Variants in PRKD1 observed in about 807,000 individuals in gnomAD.
The protein encoded by PRKD1 is serine/threonine-protein kinase D1.
PRKD1 carries 63 observed loss-of-function variants against 95.9 expected under a neutral mutation model. That is an observed-to-expected ratio of 0.66 (90% confidence interval 0.54 to 0.81). PRKD1 has a LOEUF of 0.81. Ranked by LOEUF, PRKD1 falls within the 30% of genes least tolerant of loss-of-function variation. The probability of loss-of-function intolerance (pLI) is 0.00; values close to 1 mark genes in which losing one functional copy is unlikely to be tolerated. For missense variants in PRKD1, 1,048 were observed against 1,165.3 expected (o/e 0.90, Z 1.47); for synonymous variants, 425 against 423.1 (o/e 1.00, Z -0.05).
At position 29,624,274 on chromosome 14, in the gene PRKD1, G is replaced by A. The variant is rs756834043; in HGVS notation, c.1799-16C>T. 2.6e-6 allele frequency: 4 copies of A among 1,560,844 alleles called. No homozygotes were observed. In the South Asian group the frequency reaches 4.7e-5, roughly 18 times the overall value. On this transcript the variant is annotated splice_polypyrimidine_tract_variant and intron_variant, in intron 12 of 17. Coordinates refer to ENST00000331968, the MANE Select transcript of PRKD1 (RefSeq NM_002742.3). ...CGATGTTTTCCTTTAAAATGAAAAA[G>A]GGAAGCATTAGTAAGTTATTAAATA...
At chr14:29,881,143 C>T (rs1893497141) in intron 1 of PRKD1, among the ~76,000 whole-genome samples, 1 of 152,074 alleles carries the variant, frequency 6.6e-6, no homozygotes, top group Non-Finnish European at 1.5e-5. Context: ...TTGGCTGTTT[C>T]CCCACCAAAA....
chr14:29,910,324 C>G (rs1004037376), intron 1 of PRKD1, among the ~76,000 whole-genome samples: 1 of 152,092 alleles, frequency 6.6e-6, no homozygotes, highest in South Asian at 2.1e-4. Flanking sequence ...GCCAGCAAGA[C>G]CACGAGCCCA....
chr14:29,666,025 A>T, intron 3 of PRKD1, 52 bp downstream of exon 3: 1 of 1,508,158 alleles, frequency 6.6e-7, no homozygotes, highest in Middle Eastern at 1.8e-4. Flanking sequence ...CTGCTGCGAT[A>T]AACACAGGAG....
At chr14:29,612,707 A>G (rs1018955337) in intron 13 of PRKD1, among the ~76,000 whole-genome samples, 2 of 152,080 alleles carry the variant, frequency 1.3e-5, no homozygotes, top group Non-Finnish European at 2.9e-5. Context: ...TTTTAGACAT[A>G]TATACATAAC....
chr14:29,877,986 C>A (rs1277772623), intron 1 of PRKD1, among the ~76,000 whole-genome samples: 1 of 152,104 alleles, frequency 6.6e-6, no homozygotes, highest in East Asian at 1.9e-4. Context: ...AGAATGAGAT[C>A]CTGTCTTCTG....
intron 1 of PRKD1, among the ~76,000 whole-genome samples, chr14:29,799,036 A>G (rs1315291673): frequency 1.3e-5 from 2 of 152,184 alleles, no homozygotes; most frequent in African/African-American, 4.8e-5. Context: ...AGTCAAGAAA[A>G]TCCCTGCTTT....
chr14:29,919,688 CG>C (rs1566671903), intron 1 of PRKD1, among the ~76,000 whole-genome samples: 3,407 of 152,074 alleles, frequency 0.022, 139 homozygotes, highest in African/African-American at 0.078. Context: ...TGAGGCTGAG[CG>C]CAGTGGCTCA....
intron 2 of PRKD1, among the ~76,000 whole-genome samples, chr14:29,701,006 A>ACACACACACACACACACACACC (rs1555337080): frequency 2.2e-4 from 11 of 50,686 alleles, no homozygotes; most frequent in African/African-American, 9.6e-4. Flanking sequence ...ACACACACAC[A>ACACACACACACACACACACACC]CCCTGTTGTG....
chr14:29,875,906 T>C (rs924693318), intron 1 of PRKD1, among the ~76,000 whole-genome samples: 1 of 152,182 alleles, frequency 6.6e-6, no homozygotes, highest in African/African-American at 2.4e-5. Context: ...AACTGCCAAA[T>C]CCATTCCCTC....
chr14:29,908,140 CAA>C (rs200786245), intron 1 of PRKD1, among the ~76,000 whole-genome samples: 7 of 65,188 alleles, frequency 1.1e-4, no homozygotes, highest in Admixed American at 3.5e-4. Context: ...AAAGACAAAG[CAA>C]AAAAAAAAAA....
intron 1 of PRKD1, among the ~76,000 whole-genome samples, chr14:29,884,889 G>A (rs1050229235): frequency 3.9e-5 from 6 of 152,128 alleles, no homozygotes; most frequent in African/African-American, 7.2e-5. Flanking sequence ...TTGGGAGGCC[G>A]AAGCGGGTGG....
intron 1 of PRKD1, among the ~76,000 whole-genome samples, chr14:29,780,637 C>G (rs916679654): frequency 6.6e-6 from 1 of 152,144 alleles, no homozygotes; most frequent in Non-Finnish European, 1.5e-5. Context: ...AGTTAGGAAA[C>G]AACAGGTGTT....
intron 4 of PRKD1, among the ~76,000 whole-genome samples, chr14:29,662,138 C>G (rs900829932): frequency 6.6e-6 from 1 of 152,028 alleles, no homozygotes; most frequent in African/African-American, 2.4e-5. Flanking sequence ...CTTACATAAG[C>G]TAAATTAGAT....
chr14:29,881,258 A>G (rs1893501073), intron 1 of PRKD1, among the ~76,000 whole-genome samples: 1 of 152,188 alleles, frequency 6.6e-6, no homozygotes. Context: ...TATTCTCATG[A>G]TAGTGAATAA....
In PRKD1 at chr14:29,577,296, G is replaced by C; in HGVS notation, c.2681C>G (p.Thr894Ser). ...LINPSASHSD[T>S]PETEETEMKA... Reference sequence around the variant, plus strand: ...CATTTCTGTTTCTTCAGTCTCAGGAGTGTCACTGTGGCTAGCACTTGGATT... The same window carrying C: ...CATTTCTGTTTCTTCAGTCTCAGGACTGTCACTGTGGCTAGCACTTGGATT... Residue 894 changes from threonine to serine, a missense_variant, in exon 18 of 18, where the codon ACT becomes AGT. Thr to Ser is a moderately conservative substitution (Grantham distance 58). This residue lies in a region of PRKD1 where 739 missense variants were observed against 861.9 expected (regional missense o/e 0.86). Transcript: ENST00000331968. 2 of 1,613,848 alleles carry C rather than the reference G, an allele frequency of 1.2e-6. No individual in the cohort carries two copies. Among genetic ancestry groups the C allele is most frequent in the Non-Finnish European group, 1.7e-6 (2 of 1,179,838 alleles).
intron 4 of PRKD1, among the ~76,000 whole-genome samples, chr14:29,644,838 T>C (rs1006241699): frequency 6.6e-6 from 1 of 152,154 alleles, no homozygotes; most frequent in African/African-American, 2.4e-5. Flanking sequence ...CATAGCACTT[T>C]ACATAAATAT....
chr14:29,700,973 CAT>C (rs1444210576), intron 2 of PRKD1, among the ~76,000 whole-genome samples: 3,517 of 49,978 alleles, frequency 0.07, 167 homozygotes, highest in African/African-American at 0.24. Context: ...TACGCGTGCG[CAT>C]GCGCGCGCGC....
chr14:29,695,708 G>C (rs1321109181), intron 2 of PRKD1, among the ~76,000 whole-genome samples: 1 of 152,202 alleles, frequency 6.6e-6, no homozygotes, highest in African/African-American at 2.4e-5. Context: ...AGCTGGATAT[G>C]AGAGTCTGGA....
chr14:29,846,188 G>C (rs1892070680), intron 1 of PRKD1, among the ~76,000 whole-genome samples: 1 of 151,898 alleles, frequency 6.6e-6, no homozygotes, highest in South Asian at 2.1e-4. Flanking sequence ...TGAGGATACA[G>C]GTATAAACAA....
Sources: allele counts gnomAD v4.1 joint callset (sites outside exome capture counted in the v4.1 genomes callset), GRCh38; gene constraint gnomAD v4.1.1; regional missense constraint gnomAD v4.1.1; transcripts MANE v1.5; gene names NCBI Gene and HGNC (gene_info 2026-07-23, HGNC 2026-07-21).